The following MTUS2 variants were observed in gnomAD, a reference collection of about 807,000 sequenced individuals.
The protein encoded by MTUS2 is microtubule-associated tumor suppressor candidate 2.
MTUS2 carries 40 observed loss-of-function variants against 114.1 expected under a neutral mutation model. The ratio of observed to expected loss-of-function variants is 0.35; its 90% CI spans 0.27 to 0.46. The LOEUF (loss-of-function observed/expected upper bound fraction) is 0.46, where lower values mean the gene tolerates loss of function less well. MTUS2 is among the 20% of genes least tolerant of loss of function. MTUS2 has a pLI of 1.00. For missense variants in MTUS2, 1,679 were observed against 1,705.4 expected (o/e 0.98, Z 0.27); for synonymous variants, 688 against 672.0 (o/e 1.02, Z -0.37).
chr13:29,247,535 A>G (rs909141557), intron 5 of MTUS2, among the ~76,000 whole-genome samples: 4 of 152,262 alleles, frequency 2.6e-5, no homozygotes, highest in African/African-American at 9.6e-5. Context: ...ACCAGAATCT[A>G]CAAGGGACTC....
intron 8 of MTUS2, among the ~76,000 whole-genome samples, chr13:29,400,921 G>T (rs373117523): frequency 5.8e-4 from 88 of 152,256 alleles, no homozygotes; most frequent in African/African-American, 2.1e-3. Context: ...TTTGCATATT[G>T]ATTTGTGATA....
At chr13:29,360,227 A>G (rs1460261697) in intron 8 of MTUS2, among the ~76,000 whole-genome samples, 1 of 152,220 alleles carries the variant, frequency 6.6e-6, no homozygotes, top group African/African-American at 2.4e-5. Context: ...AGATGCACAT[A>G]TGGACCTCCT....
intron 5 of MTUS2, among the ~76,000 whole-genome samples, chr13:29,139,918 C>T (rs1012476706): frequency 2.6e-5 from 4 of 152,056 alleles, no homozygotes; most frequent in African/African-American, 9.7e-5. Flanking sequence ...CCAGTGTTTC[C>T]AGGATTGGTT....
At chr13:29,156,836 C>T (rs4272875) in intron 5 of MTUS2, among the ~76,000 whole-genome samples, 27,444 of 152,098 alleles carry the variant, frequency 0.18, 5,221 homozygotes, top group African/African-American at 0.49. Flanking sequence ...CTTTGTTACC[C>T]TCCCAGTCCA....
intron 7 of MTUS2, among the ~76,000 whole-genome samples, chr13:29,349,062 G>T (rs1868996338): frequency 6.6e-6 from 1 of 151,954 alleles, no homozygotes; most frequent in Admixed American, 6.6e-5. Context: ...CTACCATCTT[G>T]CCGTATTTTC....
rs373345219 is a variant in MTUS2, at chr13:29,408,679, CT to C, written c.3118-31293del. 2.3e-3 allele frequency among the ~76,000 whole-genome samples: 335 copies of C among 147,408 alleles called. 2 individuals carry two copies. The East Asian group carries it at 0.042, about 19-fold the overall frequency. ...TGTTATGGGGTGAGGTAAATCATGA[CT>C]TTTTTTTTTTCATATAGATAACCAT... On this transcript the variant is annotated intron_variant, in intron 8 of 15. Coordinates refer to ENST00000612955, the MANE Select transcript of MTUS2 (RefSeq NM_001033602.4).
chr13:29,256,753 A>G (rs1167902911), intron 5 of MTUS2, among the ~76,000 whole-genome samples: 1 of 152,210 alleles, frequency 6.6e-6, no homozygotes, highest in Non-Finnish European at 1.5e-5. Context: ...ATCCTACACC[A>G]GCTTGCTCTG....
chr13:28,888,811 T>G (rs1878747968), intron 2 of MTUS2, among the ~76,000 whole-genome samples: 2 of 143,094 alleles, frequency 1.4e-5, no homozygotes, highest in Non-Finnish European at 3.0e-5. Context: ...AAACAAGAGA[T>G]ATTTCGAGAG....
chr13:29,454,482 A>G (rs527355823), intron 9 of MTUS2, among the ~76,000 whole-genome samples: 1 of 152,338 alleles, frequency 6.6e-6, no homozygotes, highest in South Asian at 2.1e-4. Context: ...AGAAAATCAA[A>G]TTGCCAATTT....
chr13:29,166,708 G>A (rs908593097), intron 5 of MTUS2, among the ~76,000 whole-genome samples: 1 of 151,988 alleles, frequency 6.6e-6, no homozygotes, highest in African/African-American at 2.4e-5. Context: ...CATCTTTTTA[G>A]ACTTTAGCTT....
intron 5 of MTUS2, among the ~76,000 whole-genome samples, chr13:29,254,880 A>G (rs892886949): frequency 5.3e-5 from 8 of 152,204 alleles, no homozygotes; most frequent in Non-Finnish European, 1.2e-4. Context: ...AATCAACTCT[A>G]CACAGATATG....
chr13:29,220,491 C>G (rs143108542), intron 5 of MTUS2, among the ~76,000 whole-genome samples: 111 of 152,260 alleles, frequency 7.3e-4, no homozygotes, highest in African/African-American at 2.6e-3. Context: ...ACACTTAGAG[C>G]TCATCGTAGG....
chr13:28,977,831 C>G (rs1391174614), intron 2 of MTUS2, among the ~76,000 whole-genome samples: 3 of 152,140 alleles, frequency 2.0e-5, no homozygotes, highest in Admixed American at 6.5e-5. Context: ...CTTAACTCAC[C>G]TAGAAAATCA....
At chr13:29,447,452 G>C (rs185326313) in intron 9 of MTUS2, among the ~76,000 whole-genome samples, 3 of 151,252 alleles carry the variant, frequency 2.0e-5, no homozygotes, top group East Asian at 1.9e-4. Context: ...TAGCTGATTG[G>C]TTTGATTTCA....
At chr13:28,925,005 C>T (rs7982612) in intron 2 of MTUS2, among the ~76,000 whole-genome samples, 54,913 of 151,486 alleles carry the variant, frequency 0.36, 10,602 homozygotes, top group East Asian at 0.49. Context: ...TTCCGTTGTA[C>T]ACTAAATTGC....
intron 9 of MTUS2, among the ~76,000 whole-genome samples, chr13:29,463,309 G>A (rs1306268143): frequency 1.3e-5 from 2 of 152,208 alleles, no homozygotes; most frequent in East Asian, 3.8e-4. Context: ...GGGTCATAAA[G>A]AGGAGTTGTT....
intron 5 of MTUS2, among the ~76,000 whole-genome samples, chr13:29,206,583 T>G (rs1895195434): frequency 6.6e-6 from 1 of 152,238 alleles, no homozygotes; most frequent in Non-Finnish European, 1.5e-5. Context: ...TTGATTTTTT[T>G]ATAAGGTGAG....
At chr13:29,320,287 C>T (rs780728815) in intron 6 of MTUS2, among the ~76,000 whole-genome samples, 6 of 152,150 alleles carry the variant, frequency 3.9e-5, no homozygotes, top group African/African-American at 9.7e-5. Context: ...GGCAAGGAAA[C>T]GGACTCTCCC....
intron 6 of MTUS2, among the ~76,000 whole-genome samples, chr13:29,306,051 A>AAT (rs1292320564): frequency 6.6e-6 from 1 of 152,212 alleles, no homozygotes; most frequent in Non-Finnish European, 1.5e-5. Context: ...GATTATCTCT[A>AAT]ATAGATTCAG....
Sources: allele counts gnomAD v4.1 joint callset (sites outside exome capture counted in the v4.1 genomes callset), GRCh38; gene constraint gnomAD v4.1.1; transcripts MANE v1.5; gene names NCBI Gene and HGNC (gene_info 2026-07-23, HGNC 2026-07-21).